Variants in NCAM2 observed in about 807,000 individuals in gnomAD.
NCAM2 encodes the protein neural cell adhesion molecule 2.
A neutral mutation model predicts 98.1 loss-of-function variants in NCAM2; 30 were observed. The observed-to-expected ratio is 0.31, with a 90% CI of 0.23 to 0.41. NCAM2 has a LOEUF of 0.41. Ranked by LOEUF, NCAM2 falls within the 10% of genes least tolerant of loss-of-function variation. The probability of loss-of-function intolerance (pLI) is 1.00; values close to 1 mark genes in which losing one functional copy is unlikely to be tolerated. For missense variants in NCAM2, 867 were observed against 1,005.8 expected (o/e 0.86, Z 1.87); for synonymous variants, 368 against 342.4 (o/e 1.07, Z -0.83).
At chr21:21,389,560 T>C (rs1298179629) in intron 9 of NCAM2, among the ~76,000 whole-genome samples, 1 of 152,168 alleles carries the variant, frequency 6.6e-6, no homozygotes, top group African/African-American at 2.4e-5. Context: ...TTTGTACCCA[T>C]TAACCAATCT....
chr21:21,056,701 A>G (rs906381702), intron 1 of NCAM2, among the ~76,000 whole-genome samples: 3 of 152,134 alleles, frequency 2.0e-5, no homozygotes, highest in East Asian at 1.9e-4. Context: ...AAATTCTTCC[A>G]TCATGGAGTA....
intron 1 of NCAM2, among the ~76,000 whole-genome samples, chr21:21,161,941 T>C (rs2146784935): frequency 6.6e-6 from 1 of 152,204 alleles, no homozygotes; most frequent in Admixed American, 6.5e-5. Context: ...TTCAACGATA[T>C]AATGGATTGT....
chr21:21,240,389 A>T (rs2147234043), intron 1 of NCAM2, among the ~76,000 whole-genome samples: 1 of 152,036 alleles, frequency 6.6e-6, no homozygotes, highest in East Asian at 1.9e-4. Flanking sequence ...AAAAAAAGCA[A>T]AAAAAGCTAC....
chr21:21,225,181 C>T (rs1451194383), intron 1 of NCAM2, among the ~76,000 whole-genome samples: 1 of 152,074 alleles, frequency 6.6e-6, no homozygotes, highest in Admixed American at 6.6e-5. Flanking sequence ...ACCACATGTT[C>T]TCACTTAAAG....
At chr21:21,492,509 G>T (rs1269631071) in intron 15 of NCAM2, among the ~76,000 whole-genome samples, 3 of 151,710 alleles carry the variant, frequency 2.0e-5, no homozygotes, top group South Asian at 2.1e-4. Flanking sequence ...TTAAGTTTAT[G>T]GTTTTAAATG....
chr21:21,218,903 C>T (rs35613791), intron 1 of NCAM2, among the ~76,000 whole-genome samples: 73,310 of 152,082 alleles, frequency 0.48, 18,427 homozygotes, highest in Non-Finnish European at 0.56. Flanking sequence ...ATTAGGTGGG[C>T]GTGGTGGCAC....
intron 1 of NCAM2, among the ~76,000 whole-genome samples, chr21:21,162,813 A>G (rs2067827632): frequency 2.0e-5 from 3 of 152,160 alleles, no homozygotes; most frequent in African/African-American, 4.8e-5. Flanking sequence ...CGTTATTTCT[A>G]AAAGTTGCCA....
At position 21,098,692 on chromosome 21, in the gene NCAM2, G is replaced by A. The variant is rs185580834; in HGVS notation, c.55+100074G>A. ...AGCTGAAGTATTTTCTAAGATGTGC[G>A]TGGCAATGTGAAGGCCTGTTCTTCA... On this transcript the variant is annotated intron_variant, in intron 1 of 17. Transcript: ENST00000400546. Among the ~76,000 whole-genome samples, 70 of 151,942 alleles carry A rather than the reference G, an allele frequency of 4.6e-4. No individual in the cohort carries two copies. In the East Asian group the frequency reaches 5.6e-3, roughly 12 times the overall value.
At chr21:21,172,009 T>G (rs953210755) in intron 1 of NCAM2, among the ~76,000 whole-genome samples, 1 of 152,162 alleles carries the variant, frequency 6.6e-6, no homozygotes, top group Non-Finnish European at 1.5e-5. Flanking sequence ...ATGTCTTTTA[T>G]CCTCAAATAA....
intron 1 of NCAM2, among the ~76,000 whole-genome samples, chr21:21,234,298 A>G (rs1303280044): frequency 6.6e-6 from 1 of 151,856 alleles, no homozygotes; most frequent in Admixed American, 6.6e-5. Context: ...TAAAAAAAAA[A>G]GTAGTAAATA....
At chr21:21,418,598 C>T (rs775594783) in intron 11 of NCAM2, 29 bp downstream of exon 11, 2 of 1,440,884 alleles carry the variant, frequency 1.4e-6, no homozygotes, top group East Asian at 2.3e-5. Context: ...TTTTTGAGAT[C>T]GCACACAATA....
intron 1 of NCAM2, among the ~76,000 whole-genome samples, chr21:21,161,451 C>T (rs2067780341): frequency 6.6e-6 from 1 of 151,632 alleles, no homozygotes; most frequent in South Asian, 2.1e-4. Context: ...TATATTCACA[C>T]CTAGATTGCC....
intron 1 of NCAM2, among the ~76,000 whole-genome samples, chr21:21,126,147 G>T (rs1308148738): frequency 7.0e-6 from 1 of 143,128 alleles, no homozygotes; most frequent in African/African-American, 2.6e-5. Flanking sequence ...ATAAATACTT[G>T]CTTTTGACAG....
Position 21,228,771 on chromosome 21 carries a change from G to T in NCAM2, c.56-51807G>T, listed in dbSNP as rs1674571461. On this transcript the variant is annotated intron_variant, in intron 1 of 17. Coordinates refer to ENST00000400546, the MANE Select transcript of NCAM2 (RefSeq NM_004540.5). ...ACCTGGGAGGCAAGAAAGGAGAAGG[G>T]ATGGCAGTTGGATATTAGTCATATC... 3.3e-5 allele frequency among the ~76,000 whole-genome samples: 5 copies of T among 151,500 alleles called. No individual in the cohort carries two copies. The South Asian group carries it at 1.0e-3, about 31-fold the overall frequency.
chr21:21,488,347 A>G (rs233766), intron 15 of NCAM2, among the ~76,000 whole-genome samples: 5,447 of 152,094 alleles, frequency 0.036, 319 homozygotes, highest in African/African-American at 0.12. Flanking sequence ...TAAAGCTAAA[A>G]CAAGAAAAAT....
chr21:21,092,117 A>ATGCCTG (rs2066025246), intron 1 of NCAM2, among the ~76,000 whole-genome samples: 5 of 152,108 alleles, frequency 3.3e-5, no homozygotes, highest in Admixed American at 1.3e-4. Context: ...TCCGTGATAC[A>ATGCCTG]TGAAGAAATT....
At chr21:21,192,342 C>G (rs2068851458) in intron 1 of NCAM2, among the ~76,000 whole-genome samples, 1 of 151,970 alleles carries the variant, frequency 6.6e-6, no homozygotes, top group South Asian at 2.1e-4. Context: ...TGCTCTAAAG[C>G]AAAGTGTAGA....
At chr21:21,313,731 T>C (rs190345348) in intron 5 of NCAM2, among the ~76,000 whole-genome samples, 4 of 152,012 alleles carry the variant, frequency 2.6e-5, no homozygotes, top group African/African-American at 9.7e-5. Flanking sequence ...GTTATTTTAG[T>C]CTGTTCTTTT....
At chr21:21,304,648 A>G (rs1644925842) in intron 5 of NCAM2, among the ~76,000 whole-genome samples, 1 of 152,156 alleles carries the variant, frequency 6.6e-6, no homozygotes. Flanking sequence ...ATACATATGC[A>G]CTAACACACA....
Sources: allele counts gnomAD v4.1 joint callset (sites outside exome capture counted in the v4.1 genomes callset), GRCh38; gene constraint gnomAD v4.1.1; transcripts MANE v1.5; gene names NCBI Gene and HGNC (gene_info 2026-07-23, HGNC 2026-07-21).